IL1R2: variants seen among roughly 807,000 people sequenced by gnomAD.
IL1R2 encodes the protein interleukin-1 receptor type 2.
Under a neutral mutation model 39.5 loss-of-function variants are expected in IL1R2, and 46 were observed. That is an observed-to-expected ratio of 1.16 (90% CI 0.92 to 1.49). IL1R2 has a LOEUF of 1.49. Among genes scored for constraint, IL1R2 ranks in the 40% most tolerant of loss-of-function variants. The probability of loss-of-function intolerance (pLI) is 0.00; values close to 1 mark genes in which losing one functional copy is unlikely to be tolerated. For synonymous variants in IL1R2, 207 were observed against 189.6 expected (o/e 1.09, Z -0.75); for missense variants, 537 against 502.0 (o/e 1.07, Z -0.67).
chr2:101,993,356 G>C (rs1304939458), intron 1 of IL1R2, among the ~76,000 whole-genome samples: 1 of 152,060 alleles, frequency 6.6e-6, no homozygotes, highest in African/African-American at 2.4e-5. Context: ...TAAGGTCAAG[G>C]GTGATGAGGA....
At chr2:102,013,695 G>A (rs1297614723) in intron 3 of IL1R2, among the ~76,000 whole-genome samples, 1 of 151,936 alleles carries the variant, frequency 6.6e-6, no homozygotes, top group Admixed American at 6.6e-5. Flanking sequence ...TCTTACACAT[G>A]CAACAGGTCC....
At chr2:102,022,950 C>A (rs1055778583) in intron 6 of IL1R2, among the ~76,000 whole-genome samples, 1 of 152,106 alleles carries the variant, frequency 6.6e-6, no homozygotes, top group African/African-American at 2.4e-5. Flanking sequence ...AGGTTTTATT[C>A]TCTCAATTTT....
intron 1 of IL1R2, among the ~76,000 whole-genome samples, chr2:102,003,663 T>A (rs551811384): frequency 0.04 from 5,286 of 132,274 alleles, 200 homozygotes; most frequent in African/African-American, 0.16. Context: ...TGGCTGTGGC[T>A]GTGTCTGTGT....
chr2:102,025,177 C>T (rs1677655554), intron 7 of IL1R2, among the ~76,000 whole-genome samples: 1 of 152,218 alleles, frequency 6.6e-6, no homozygotes, highest in South Asian at 2.1e-4. Context: ...TGTTTTCTTA[C>T]TCTGAGACTC....
At chr2:102,004,278 G>T (rs561313769) in intron 1 of IL1R2, among the ~76,000 whole-genome samples, 1 of 152,066 alleles carries the variant, frequency 6.6e-6, no homozygotes, top group Non-Finnish European at 1.5e-5. Flanking sequence ...GCAGACACCT[G>T]GGAATCAAAG....
chr2:102,006,183 C>T (rs1168255756), intron 1 of IL1R2, among the ~76,000 whole-genome samples: 3 of 152,144 alleles, frequency 2.0e-5, no homozygotes, highest in South Asian at 2.1e-4. Flanking sequence ...ACTAATGAGT[C>T]TGGCTTGGAC....
intron 1 of IL1R2, among the ~76,000 whole-genome samples, chr2:102,008,158 A>G (rs1198742936): frequency 6.6e-6 from 1 of 152,208 alleles, no homozygotes; most frequent in Non-Finnish European, 1.5e-5. Context: ...AGACCTCACG[A>G]AGAAAGTGAA....
intron 3 of IL1R2, among the ~76,000 whole-genome samples, chr2:102,015,136 A>G (rs1676914859): frequency 6.6e-6 from 1 of 152,192 alleles, no homozygotes; most frequent in Non-Finnish European, 1.5e-5. Context: ...CTTTTTACGG[A>G]AACAATGGCT....
At chr2:102,007,468 C>T (rs918143462) in intron 1 of IL1R2, among the ~76,000 whole-genome samples, 2 of 152,156 alleles carry the variant, frequency 1.3e-5, no homozygotes, top group East Asian at 1.9e-4. Flanking sequence ...CATTAACTCA[C>T]TCATTCATTC....
At position 102,009,650 on chromosome 2, in the gene IL1R2, G is replaced by A. The variant is rs769728927; in HGVS notation, c.156G>A (p.Gln52=). The A allele has an allele frequency of 1.2e-6, 2 of 1,614,186 alleles. No homozygotes were observed. The highest frequency in any genetic ancestry group is 1.7e-6 in the Non-Finnish European group (2 of 1,180,036). Residue 52 remains glutamine (Q), a synonymous_variant, in exon 3 of 9, where the codon CAG becomes CAA. Coordinates refer to ENST00000332549, the MANE Select transcript of IL1R2 (RefSeq NM_004633.4). The part of the protein sequence containing the change: ...EGEPVALRCP[Q]VPYWLWASVS... ...AGCCTGTAGCCCTGAGGTGCCCCCA[G>A]GTGCCCTACTGGTTGTGGGCCTCTG...
chr2:102,023,976 G>A (rs1032724650), intron 6 of IL1R2, among the ~76,000 whole-genome samples: 2 of 151,996 alleles, frequency 1.3e-5, no homozygotes, highest in East Asian at 1.9e-4. Context: ...GTGAACCGGG[G>A]AGGCGGAGCT....
At chr2:102,011,267 G>C (rs540667338) in intron 3 of IL1R2, among the ~76,000 whole-genome samples, 1 of 152,334 alleles carries the variant, frequency 6.6e-6, no homozygotes, top group South Asian at 2.1e-4. Flanking sequence ...AAGAGGAACT[G>C]CTGGATCATC....
rs997906416 is a variant in IL1R2 at position 102,026,363 on chromosome 2, C to T, written c.1030+110C>T. On this transcript the variant is annotated intron_variant, in intron 8 of 8. Coordinates refer to ENST00000332549, the MANE Select transcript of IL1R2 (RefSeq NM_004633.4). ...AAATGATTCCATAGAAATTCCCTTG[C>T]ATTGTCTGCTAGTGGAGAGCTGAAA... is the stretch of plus-strand genomic sequence containing the variant. The T allele has an allele frequency of 9.7e-5, 89 of 918,678 alleles. No homozygotes were observed. The African/African-American group carries it at 1.3e-3, about 13-fold the overall frequency. 56.9% of individuals were successfully genotyped at this position (918,678 alleles called of 1,614,324 possible). A position where few individuals can be genotyped will look rare whatever the true frequency, so the allele number is the denominator to read the frequency against.
rs1166637193 is a variant in IL1R2 at position 102,009,607 on chromosome 2, A to T, written c.113A>T (p.Glu38Val). ...TTTCGTGGGAGGCATTACAAGCGGG[A>T]GTTCAGGCTGGAAGGGGAGCCTGTA... ...CRFRGRHYKR[E>V]FRLEGEPVAL... is the part of the protein sequence containing the mutation. Residue 38 changes from glutamate to valine, a missense_variant, in exon 3 of 9, where the codon GAG becomes GTG. Physicochemically the swap from Glu to Val is moderately radical, Grantham distance 121. Coordinates refer to ENST00000332549, the MANE Select transcript of IL1R2 (RefSeq NM_004633.4). The T allele has an allele frequency of 6.2e-7, 1 of 1,614,156 alleles. No homozygotes were observed. Among genetic ancestry groups the T allele is most frequent in the Admixed American group, 1.7e-5 (1 of 60,024 alleles).
intron 5 of IL1R2, 29 bp from the exon 6 acceptor site, chr2:102,022,158 G>A (rs368745591): frequency 3.0e-5 from 47 of 1,583,380 alleles, no homozygotes; most frequent in East Asian, 1.3e-4. Flanking sequence ...CTTTCCTAAC[G>A]GAATCTCTTT....
chr2:102,010,924 C>T (rs1676590797), intron 3 of IL1R2, among the ~76,000 whole-genome samples: 1 of 152,192 alleles, frequency 6.6e-6, no homozygotes, highest in Non-Finnish European at 1.5e-5. Flanking sequence ...CAGGCAACCA[C>T]CACTGTACTT....
chr2:101,997,261 C>A (rs28600315), intron 1 of IL1R2, among the ~76,000 whole-genome samples: 1 of 152,168 alleles, frequency 6.6e-6, no homozygotes, highest in Non-Finnish European at 1.5e-5. Context: ...GAGGTCACCC[C>A]GCTGTGCCTC....
chr2:102,017,398 GAAA>G (rs56358561), intron 4 of IL1R2, among the ~76,000 whole-genome samples: 3 of 113,358 alleles, frequency 2.6e-5, no homozygotes, highest in Admixed American at 8.8e-5. Context: ...CTCCATCTCA[GAAA>G]AAAAAAAAAA....
At chr2:102,012,557 G>A (rs1212647965) in intron 3 of IL1R2, among the ~76,000 whole-genome samples, 1 of 150,940 alleles carries the variant, frequency 6.6e-6, no homozygotes, top group Admixed American at 6.6e-5. Flanking sequence ...GTGTGTGTGT[G>A]CATGTGCGTG....
Sources: allele counts gnomAD v4.1 joint callset (sites outside exome capture counted in the v4.1 genomes callset), GRCh38; gene constraint gnomAD v4.1.1; transcripts MANE v1.5; gene names NCBI Gene and HGNC (gene_info 2026-07-23, HGNC 2026-07-21).